Variants in ADAM18 observed in about 807,000 individuals in gnomAD.
The protein encoded by ADAM18 is disintegrin and metalloproteinase domain-containing protein 18.
Under a neutral mutation model 94.4 loss-of-function variants are expected in ADAM18, and 117 were observed. The ratio of observed to expected loss-of-function variants is 1.24; its 90% CI spans 1.07 to 1.45. The LOEUF is 1.45. ADAM18 is among the 40% of genes most tolerant of loss of function. The pLI is 0.00. For missense variants in ADAM18, 936 were observed against 880.0 expected (o/e 1.06, Z -0.81); for synonymous variants, 327 against 291.6 (o/e 1.12, Z -1.24).
chr8:39,666,942 A>C (rs1821006352), intron 13 of ADAM18, among the ~76,000 whole-genome samples: 1 of 152,142 alleles, frequency 6.6e-6, no homozygotes, highest in Non-Finnish European at 1.5e-5. Context: ...TGACATCAAC[A>C]TATATAGCAG....
rs187094869 is a variant in ADAM18, at chr8:39,638,390, A to G, written c.828-75A>G. The G allele has an allele frequency of 2.6e-5, 25 of 977,274 alleles. No individual in the cohort carries two copies. The East Asian group carries it at 3.1e-4, about 12-fold the overall frequency. The allele number at this position is 977,274 out of a possible 1,614,324, so 60.5% of individuals were successfully genotyped here. ...AAGTCATTTTTAAAATTTTATGTGA[A>G]GAAGGTTTAATTTAATACATAAGCT... is the stretch of plus-strand genomic sequence containing the variant. On this transcript the variant is annotated intron_variant, in intron 9 of 19. Transcript: ENST00000265707.
At chr8:39,697,971 A>T (rs1405222878) in intron 17 of ADAM18, among the ~76,000 whole-genome samples, 1 of 151,806 alleles carries the variant, frequency 6.6e-6, no homozygotes, top group African/African-American at 2.4e-5. Context: ...TCTACTAAGG[A>T]TTATCTTTCT....
intron 17 of ADAM18, among the ~76,000 whole-genome samples, chr8:39,699,835 T>C (rs147338884): frequency 1.3e-5 from 2 of 152,206 alleles, no homozygotes; most frequent in African/African-American, 2.4e-5. Context: ...GAGGCAGCAA[T>C]GATGATTAGA....
intron 2 of ADAM18, among the ~76,000 whole-genome samples, chr8:39,587,897 C>G (rs887612695): frequency 1.3e-5 from 2 of 152,078 alleles, no homozygotes; most frequent in Non-Finnish European, 2.9e-5. Context: ...AATAGTGTTC[C>G]AATATGTTTA....
intron 10 of ADAM18, among the ~76,000 whole-genome samples, chr8:39,641,692 A>C (rs1245554671): frequency 6.6e-6 from 1 of 152,134 alleles, no homozygotes; most frequent in East Asian, 1.9e-4. Flanking sequence ...AGCTCCATCC[A>C]TGTCCCTGCA....
intron 18 of ADAM18, among the ~76,000 whole-genome samples, chr8:39,717,928 A>G (rs1822625153): frequency 6.6e-6 from 1 of 151,640 alleles, no homozygotes; most frequent in Non-Finnish European, 1.5e-5. Context: ...GGTTGACTTG[A>G]GTAGACATTG....
At chr8:39,696,955 G>A (rs1821943927) in intron 17 of ADAM18, among the ~76,000 whole-genome samples, 1 of 151,508 alleles carries the variant, frequency 6.6e-6, no homozygotes, top group Non-Finnish European at 1.5e-5. Context: ...ATTGGCTTGG[G>A]TAGTATTGTC....
intron 18 of ADAM18, among the ~76,000 whole-genome samples, chr8:39,719,991 T>C (rs551908917): frequency 4.9e-4 from 75 of 151,556 alleles, no homozygotes; most frequent in Middle Eastern, 3.4e-3. Context: ...CTGGTAACAA[T>C]GTAAATATAA....
intron 12 of ADAM18, among the ~76,000 whole-genome samples, chr8:39,659,903 T>C (rs2129579954): frequency 6.6e-6 from 1 of 152,258 alleles, no homozygotes; most frequent in East Asian, 1.9e-4. Context: ...GATATTAACC[T>C]AAAACACATT....
chr8:39,645,320 T>A lies in ADAM18; in HGVS notation c.910-18T>A. Reference sequence around the variant, plus strand: ...TTTTCACACATAATAATTTTCTTTTTCATGTCTTTTATTTTAGTATCCAGA... The same window carrying A: ...TTTTCACACATAATAATTTTCTTTTACATGTCTTTTATTTTAGTATCCAGA... On this transcript the variant is annotated intron_variant, in intron 10 of 19. Transcript: ENST00000265707. 1 of 1,581,220 alleles carries A rather than the reference T, an allele frequency of 6.3e-7. No individual in the cohort carries two copies. The highest frequency in any genetic ancestry group is 8.6e-7 in the Non-Finnish European group (1 of 1,165,400).
intron 6 of ADAM18, among the ~76,000 whole-genome samples, chr8:39,624,365 A>G (rs1359093513): frequency 6.6e-6 from 1 of 152,190 alleles, no homozygotes; most frequent in Non-Finnish European, 1.5e-5. Flanking sequence ...CTTCTTCCAC[A>G]TGTGGCTATC....
At position 39,637,294 on chromosome 8, in the gene ADAM18, G is replaced by C; in HGVS notation, c.619G>C (p.Val207Leu). The C allele has an allele frequency of 6.2e-7, 1 of 1,606,408 alleles. No homozygotes were observed. Among genetic ancestry groups the C allele is most frequent in the African/African-American group, 1.3e-5 (1 of 74,606 alleles). Residue 207 changes from valine to leucine, a missense_variant, in exon 8 of 20, where the codon GTA (valine) becomes CTA (leucine). Val to Leu is a conservative substitution (Grantham distance 32). Coordinates refer to ENST00000265707, the MANE Select transcript of ADAM18 (RefSeq NM_014237.3). Reference sequence around the variant, plus strand: ...TTATATGGGATCTGAAATGATGGCTGTAACACAAAAAATTGTCCAGGTTAT... The same window carrying C: ...TTATATGGGATCTGAAATGATGGCTCTAACACAAAAAATTGTCCAGGTTAT... ...YDYMGSEMMA[V>L]TQKIVQVIGL...
At chr8:39,609,202 C>A in intron 4 of ADAM18, 82 bp downstream of exon 4, 3 of 999,496 alleles carry the variant, frequency 3.0e-6, no homozygotes, top group Non-Finnish European at 4.4e-6. Flanking sequence ...CAGTTTAATA[C>A]AAATGTTTTA....
chr8:39,636,468 A>G (rs1343779907), intron 7 of ADAM18, among the ~76,000 whole-genome samples: 4 of 152,186 alleles, frequency 2.6e-5, no homozygotes, highest in African/African-American at 9.6e-5. Flanking sequence ...TATTGACATC[A>G]GTACTTTCAT....
At chr8:39,597,676 G>A (rs868313051) in intron 2 of ADAM18, among the ~76,000 whole-genome samples, 1 of 152,028 alleles carries the variant, frequency 6.6e-6, no homozygotes, top group Non-Finnish European at 1.5e-5. Flanking sequence ...GCTAATTACT[G>A]TAGCTTTATA....
At chr8:39,712,618 C>T (rs1822446605) in intron 18 of ADAM18, among the ~76,000 whole-genome samples, 2 of 152,202 alleles carry the variant, frequency 1.3e-5, no homozygotes, top group South Asian at 4.2e-4. Context: ...AATCAATGTG[C>T]AAAAATCACA....
In ADAM18 at chr8:39,640,693, G is replaced by C. The variant is rs140640227; in HGVS notation, c.909+2147G>C. Among the ~76,000 whole-genome samples, 325 of 152,040 alleles carry C rather than the reference G, an allele frequency of 2.1e-3. 1 individual carries two copies. The highest frequency in any genetic ancestry group is 7.3e-3 in the African/African-American group (301 of 41,480). On this transcript the variant is annotated intron_variant, in intron 10 of 19. Transcript: ENST00000265707. ...CTTTATAACCTCGCCAGCATCTGTT[G>C]TTTATTGACTTTTTAATAATAGCAA...
In ADAM18 at chr8:39,610,660, A is replaced by G. The variant is rs1259558367; in HGVS notation, c.476A>G (p.His159Arg). 2 of 1,613,292 alleles carry G rather than the reference A, an allele frequency of 1.2e-6. No homozygotes were observed. Among genetic ancestry groups the G allele is most frequent in the African/African-American group, 1.3e-5 (1 of 74,908 alleles). The stretch of plus-strand genomic sequence containing the variant: ...TCCATTTTAGCAGTAAATTACAGTC[A>G]TATTTGGCAGAAAGACCAGCCCTAC... The part of the protein sequence containing the change: ...NVSILAVNYS[H>R]IWQKDQPYKV... Residue 159 changes from histidine to arginine, a missense_variant, in exon 6 of 20, where the codon CAT becomes CGT. By Grantham distance (29) the His-to-Arg change is conservative. Transcript: ENST00000265707.
At chr8:39,721,060 A>C (rs138803648) in intron 18 of ADAM18, among the ~76,000 whole-genome samples, 1 of 151,636 alleles carries the variant, frequency 6.6e-6, no homozygotes, top group African/African-American at 2.4e-5. Flanking sequence ...TTGCAACTAT[A>C]AGCAACAACA....
Sources: allele counts gnomAD v4.1 joint callset (sites outside exome capture counted in the v4.1 genomes callset), GRCh38; gene constraint gnomAD v4.1.1; transcripts MANE v1.5; gene names NCBI Gene and HGNC (gene_info 2026-07-23, HGNC 2026-07-21).